CEP164: variants seen among roughly 807,000 people sequenced by gnomAD.
CEP164 encodes the protein centrosomal protein 164, also known as centrosomal protein of 164 kDa.
Under a neutral mutation model 182.7 loss-of-function variants are expected in CEP164, and 162 were observed. The ratio of observed to expected loss-of-function variants is 0.89; its 90% CI spans 0.78 to 1.01. CEP164 has a LOEUF of 1.01. Ranked by LOEUF, CEP164 falls within the 50% of genes least tolerant of loss-of-function variation. The probability of loss-of-function intolerance (pLI) is 0.00; values close to 1 mark genes in which losing one functional copy is unlikely to be tolerated. For missense variants in CEP164, 1,735 were observed against 1,790.4 expected (o/e 0.97, Z 0.56); for synonymous variants, 661 against 690.0 (o/e 0.96, Z 0.66).
chr11:117,396,019 G>A (rs760013187), intron 24 of CEP164, 35 bp from the exon 25 acceptor site: 16 of 1,613,214 alleles, frequency 9.9e-6, no homozygotes, highest in Middle Eastern at 1.7e-4. Flanking sequence ...ATCGCCAGCC[G>A]CTGCCCTGCC....
chr11:117,353,220 T>G (rs760862425), intron 5 of CEP164, among the ~76,000 whole-genome samples: 2 of 152,188 alleles, frequency 1.3e-5, no homozygotes, highest in Non-Finnish European at 2.9e-5. Context: ...TTTATAGTTT[T>G]TGTTTCCCTC....
rs531067638 is a variant in CEP164 at position 117,377,961 on chromosome 11, G to C, written c.1317+2170G>C. 3.0e-4 allele frequency among the ~76,000 whole-genome samples: 45 copies of C among 152,094 alleles called. 3 individuals carry two copies. The highest frequency in any genetic ancestry group is 1.1e-3 in the African/African-American group (45 of 41,472). ...TGCAACCTCCATCTCCTGGGTTCAA[G>C]CGATTCTCCTGTCTCAGCCTCCCCA... On this transcript the variant is annotated intron_variant, in intron 11 of 32. Transcript: ENST00000278935.
chr11:117,374,102 A>G (rs2042496338), intron 10 of CEP164, among the ~76,000 whole-genome samples: 1 of 152,040 alleles, frequency 6.6e-6, no homozygotes, highest in African/African-American at 2.4e-5. Flanking sequence ...ATAACATTAA[A>G]ATGTTAGCTA....
intron 10 of CEP164, among the ~76,000 whole-genome samples, chr11:117,374,541 CCT>C (rs2042540659): frequency 6.6e-6 from 1 of 152,140 alleles, no homozygotes; most frequent in African/African-American, 2.4e-5. Context: ...TGTGTGCTCG[CCT>C]CTCACTGAGC....
intron 8 of CEP164, among the ~76,000 whole-genome samples, chr11:117,367,066 C>T (rs999725587): frequency 9.9e-5 from 15 of 152,228 alleles, no homozygotes; most frequent in Admixed American, 6.5e-4. Context: ...GAGACTGAGG[C>T]CCCGCCTTTG....
Position 117,409,131 on chromosome 11 carries a change from C to G in CEP164, c.3748+103C>G. 7.0e-7 allele frequency: 1 copy of G among 1,435,184 alleles called. No individual in the cohort carries two copies. The highest frequency in any genetic ancestry group is 9.5e-7 in the Non-Finnish European group (1 of 1,052,598). The allele number at this position is 1,435,184 out of a possible 1,614,324, so 88.9% of individuals were successfully genotyped here. On this transcript the variant is annotated intron_variant, in intron 29 of 32. Coordinates refer to ENST00000278935, the MANE Select transcript of CEP164 (RefSeq NM_014956.5). The surrounding 1 kb of genome is among the most constrained non-coding windows in gnomAD (Gnocchi z 4.4). ...CTTCCCTCAGCCCTGCAGAGGGAGG[C>G]CTCTGTGAGCCGGTGTCTGGACTAG...
rs766076453 is a variant in CEP164, at chr11:117,411,232, G to A, written c.4163+338G>A. Reference sequence around the variant, plus strand: ...CCCTCCCTCTAGCCCCTCCAGCCCCGGAGTCTGGCCTTTGTCTTTGCCCTT... The same window carrying A: ...CCCTCCCTCTAGCCCCTCCAGCCCCAGAGTCTGGCCTTTGTCTTTGCCCTT... On this transcript the variant is annotated intron_variant, in intron 31 of 32. Transcript: ENST00000278935. This position sits in a 1 kb window ranked among gnomAD's most constrained non-coding sequence, Gnocchi z 4.4. 10 of 307,092 alleles carry A rather than the reference G, an allele frequency of 3.3e-5. No individual in the cohort carries two copies. Among genetic ancestry groups the A allele is most frequent in the East Asian group, 6.2e-5 (1 of 16,218 alleles). 19.0% of individuals were successfully genotyped at this position (307,092 alleles called of 1,614,324 possible).
intron 11 of CEP164, among the ~76,000 whole-genome samples, 194 bp from the exon 12 acceptor site, chr11:117,380,420 G>T (rs762356958): frequency 4.6e-5 from 7 of 152,166 alleles, no homozygotes; most frequent in Non-Finnish European, 7.3e-5. Flanking sequence ...CCAGGGAGCA[G>T]CTGTGAACCT....
chr11:117,396,491 A>G, intron 25 of CEP164, 59 bp from the exon 26 acceptor site: 1 of 1,422,268 alleles, frequency 7.0e-7, no homozygotes. Flanking sequence ...TGGGGTCTTG[A>G]ACCTGCAGGG....
upstream of CEP164, among the ~76,000 whole-genome samples, chr11:117,325,830 A>G (rs73586265): frequency 6.6e-3 from 998 of 152,318 alleles, 14 homozygotes; most frequent in African/African-American, 0.021. Flanking sequence ...GGGAAACTCC[A>G]AAAGAAAATG....
intron 5 of CEP164, among the ~76,000 whole-genome samples, chr11:117,352,717 G>C (rs1181273186): frequency 6.6e-6 from 1 of 152,150 alleles, no homozygotes; most frequent in Non-Finnish European, 1.5e-5. Context: ...CTCCTGAGTA[G>C]TTGGGATTAC....
At position 117,376,417 on chromosome 11, in the gene CEP164, A is replaced by T. The variant is rs566531749; in HGVS notation, c.1317+626A>T. ...TGATTGACCCATGTGTGGTACAAAG[A>T]TGGCTCAAACAGAGATCCTGTCCTT... On this transcript the variant is annotated intron_variant, in intron 11 of 32. Coordinates refer to ENST00000278935, the MANE Select transcript of CEP164 (RefSeq NM_014956.5). 3.9e-5 allele frequency among the ~76,000 whole-genome samples: 6 copies of T among 152,318 alleles called. No homozygotes were observed. In the South Asian group the frequency reaches 6.2e-4, roughly 16 times the overall value.
At position 117,351,880 on chromosome 11, in the gene CEP164, G is replaced by T. The variant is rs1431277664; in HGVS notation, c.285G>T (p.Leu95Phe). 1 of 1,613,700 alleles carries T rather than the reference G, an allele frequency of 6.2e-7. No individual in the cohort carries two copies. The highest frequency in any genetic ancestry group is 8.5e-7 in the Non-Finnish European group (1 of 1,179,976). Residue 95 changes from leucine (L) to phenylalanine (F), a missense_variant, in exon 5 of 33, where the codon TTG becomes TTT. By Grantham distance (22) the Leu-to-Phe change is conservative. Coordinates refer to ENST00000278935, the MANE Select transcript of CEP164 (RefSeq NM_014956.5). Reference sequence around the variant, plus strand: ...CATGTGACGAACACTATCGGAGCTTGGTGATCCAAGAGCGGGCAAAGCTGT... The same window carrying T: ...CATGTGACGAACACTATCGGAGCTTTGTGATCCAAGAGCGGGCAAAGCTGT... Reference protein sequence around the residue: ...DHPCDEHYRSLVIQERAKLST... With the variant: ...DHPCDEHYRSFVIQERAKLST...
At chr11:117,338,466 G>T (rs1481765357) in intron 2 of CEP164, 100 bp from the exon 3 acceptor site, 17 of 832,008 alleles carry the variant, frequency 2.0e-5, no homozygotes, top group Admixed American at 2.0e-4. Context: ...GCTCTGCAGG[G>T]TCTGGTTTGA....
At chr11:117,377,425 T>G (rs955355306) in intron 11 of CEP164, among the ~76,000 whole-genome samples, 14 of 152,200 alleles carry the variant, frequency 9.2e-5, no homozygotes, top group African/African-American at 3.4e-4. Flanking sequence ...ACCTGCCTGT[T>G]GTGATGTGGG....
intron 27 of CEP164, among the ~76,000 whole-genome samples, chr11:117,397,921 A>G (rs578221123): frequency 6.6e-6 from 1 of 152,208 alleles, no homozygotes; most frequent in East Asian, 1.9e-4. Context: ...TTCAAAACCA[A>G]TCATGCCTTC....
In CEP164 at chr11:117,359,300, A is replaced by G. The variant is rs575004793; in HGVS notation, c.394-2535A>G. The G allele has an allele frequency of 6.7e-6, 4 of 599,852 alleles. No homozygotes were observed. In the African/African-American group the frequency reaches 8.0e-5, roughly 12 times the overall value. The allele number at this position is 599,852 out of a possible 1,614,324, so 37.2% of individuals were successfully genotyped here. ...TTTGCTCGTATGGGGACTGTGGATA[A>G]TGGCAGAGCCAGTCTCAGGTGGTTG... On this transcript the variant is annotated intron_variant, in intron 5 of 32. Coordinates refer to ENST00000278935, the MANE Select transcript of CEP164 (RefSeq NM_014956.5).
chr11:117,407,457 C>CAAAAAAAAAAAAAA (rs1232486465), intron 27 of CEP164, among the ~76,000 whole-genome samples: 5 of 69,022 alleles, frequency 7.2e-5, no homozygotes, highest in African/African-American at 2.6e-4. Flanking sequence ...TCTGTCTCTA[C>CAAAAAAAAAAAAAA]AAAAAAAAAA....
chr11:117,336,556 G>A, intron 2 of CEP164: 1 of 1,534,318 alleles, frequency 6.5e-7, no homozygotes, highest in East Asian at 2.3e-5. Context: ...TGGGTGGGCA[G>A]GATTGGAACC....
Sources: allele counts gnomAD v4.1 joint callset (sites outside exome capture counted in the v4.1 genomes callset), GRCh38; gene constraint gnomAD v4.1.1; non-coding constraint Gnocchi (gnomAD v3.1); transcripts MANE v1.5; gene names NCBI Gene and HGNC (gene_info 2026-07-23, HGNC 2026-07-21).